The following PDE3B variants were observed in gnomAD, a reference collection of about 807,000 sequenced individuals.
PDE3B encodes the protein phosphodiesterase 3B, also known as cGMP-inhibited 3',5'-cyclic phosphodiesterase 3B.
A neutral mutation model predicts 116.8 loss-of-function variants in PDE3B; 66 were observed. That is an observed-to-expected ratio of 0.56 (90% CI 0.46 to 0.69). The LOEUF (loss-of-function observed/expected upper bound fraction) is 0.69. Ranked by LOEUF, PDE3B falls within the 30% of genes least tolerant of loss-of-function variation. The pLI is 0.00. For synonymous variants in PDE3B, 595 were observed against 533.6 expected, an observed-to-expected ratio of 1.12 and a Z score of -1.59; for missense variants, 1,384 against 1,368.1, an observed-to-expected ratio of 1.01 and a Z score of -0.18.
At chr11:14,885,993 G>C in the PDE3B span, 59 of 1,425,406 alleles carry the variant, frequency 4.1e-5, no homozygotes, top group Non-Finnish European at 5.0e-5. Flanking sequence ...TCTACAAGTG[G>C]TAAGTGCGGC....
At chr11:14,862,212 C>T (rs752269722) in intron 14 of PDE3B, among the ~76,000 whole-genome samples, 5 of 152,166 alleles carry the variant, frequency 3.3e-5, no homozygotes, top group African/African-American at 9.7e-5. Flanking sequence ...CTTAACCTAT[C>T]ACCTGATGGT....
chr11:14,894,207 C>A, the PDE3B span, among the ~76,000 whole-genome samples: 3 of 152,132 alleles, frequency 2.0e-5, no homozygotes, highest in Non-Finnish European at 2.9e-5. Flanking sequence ...CCTTAAAATT[C>A]TTATTAATCA....
At chr11:14,783,955 C>T (rs1031743904) in intron 2 of PDE3B, among the ~76,000 whole-genome samples, 12 of 152,166 alleles carry the variant, frequency 7.9e-5, no homozygotes, top group African/African-American at 2.9e-4. Flanking sequence ...ATGAGCATTA[C>T]CACCTGAGCT....
At chr11:14,721,340 T>C (rs1384265316) in intron 1 of PDE3B, among the ~76,000 whole-genome samples, 1 of 151,914 alleles carries the variant, frequency 6.6e-6, no homozygotes, top group Non-Finnish European at 1.5e-5. Context: ...TGTAAACTAG[T>C]ACAACCATTG....
chr11:14,804,074 C>T (rs766201085), intron 5 of PDE3B, 24 bp downstream of exon 5: 2 of 1,244,554 alleles, frequency 1.6e-6, no homozygotes, highest in Non-Finnish European at 1.2e-6. Flanking sequence ...CTTTATGACT[C>T]AAATATGGGG....
rs951240288 is a variant in PDE3B, at chr11:14,644,447, C to T, written c.372C>T (p.Ser124=). 1.2e-6 allele frequency: 2 copies of T among 1,613,134 alleles called. No individual in the cohort carries two copies. The highest frequency in any genetic ancestry group is 2.2e-5 in the East Asian group (1 of 44,802). ...VCSHSLSPLF[S]IACAFFFLTC... ...CGCACAGCTTGAGCCCCCTCTTCAG[C>T]ATCGCCTGTGCCTTCTTCTTCCTCA... is the stretch of plus-strand genomic sequence containing the variant. Residue 124 remains serine, a synonymous_variant, in exon 1 of 16, where the codon AGC becomes AGT. Transcript: ENST00000282096.
intron 1 of PDE3B, among the ~76,000 whole-genome samples, chr11:14,682,238 T>C (rs1316728244): frequency 6.6e-6 from 1 of 152,182 alleles, no homozygotes; most frequent in Non-Finnish European, 1.5e-5. Flanking sequence ...AGTGGACCTG[T>C]GCAGTTCAAA....
chr11:14,710,577 A>G (rs372009291), intron 1 of PDE3B, among the ~76,000 whole-genome samples: 2 of 152,202 alleles, frequency 1.3e-5, no homozygotes, highest in African/African-American at 4.8e-5. Context: ...CGGAATTACA[A>G]AGGTTGGATT....
intron 1 of PDE3B, among the ~76,000 whole-genome samples, chr11:14,685,108 A>T (rs1396670671): frequency 2.6e-5 from 4 of 152,230 alleles, no homozygotes; most frequent in African/African-American, 9.6e-5. Context: ...ATAAATGTCC[A>T]TATTAAAATG....
chr11:14,651,437 A>G (rs1853573165), intron 1 of PDE3B, among the ~76,000 whole-genome samples: 1 of 152,196 alleles, frequency 6.6e-6, no homozygotes, highest in African/African-American at 2.4e-5. Context: ...GATACAATTC[A>G]GCCCATGTAG....
At chr11:14,721,252 A>G (rs371159687) in intron 1 of PDE3B, among the ~76,000 whole-genome samples, 28 of 152,330 alleles carry the variant, frequency 1.8e-4, no homozygotes, top group South Asian at 1.5e-3. Context: ...TAGAATGGCA[A>G]TCATTAAAAA....
intron 12 of PDE3B, among the ~76,000 whole-genome samples, chr11:14,858,788 A>G (rs1482425259): frequency 5.3e-5 from 8 of 152,180 alleles, no homozygotes; most frequent in Admixed American, 5.2e-4. Flanking sequence ...GCAAAGATAA[A>G]CTTTAAAGAT....
chr11:14,871,780 A>G lies in PDE3B; in HGVS notation c.*2120A>G, dbSNP rs576335719. 1 of 152,214 alleles carries G rather than the reference A, an allele frequency of 6.6e-6. No individual in the cohort carries two copies. Among genetic ancestry groups the G allele is most frequent in the Non-Finnish European group, 1.5e-5 (1 of 68,028 alleles). The allele number at this position is 152,214 out of a possible 1,614,324, so 9.4% of individuals were successfully genotyped here. ...CCAAAAAAGTATCTCTCCCGAGCTG[A>G]AACTTAAAAATTCGTAAGTGTAAGA... On this transcript the variant is annotated 3_prime_UTR_variant, in exon 16 of 16. Transcript: ENST00000282096.
intron 1 of PDE3B, among the ~76,000 whole-genome samples, chr11:14,723,579 C>A (rs1347805773): frequency 1.3e-5 from 2 of 151,774 alleles, no homozygotes; most frequent in African/African-American, 2.4e-5. Context: ...TATAGTGAGA[C>A]CCTGCTGCTA....
the PDE3B span, among the ~76,000 whole-genome samples, chr11:14,878,754 A>T: frequency 2.0e-5 from 3 of 152,128 alleles, no homozygotes; most frequent in Non-Finnish European, 2.9e-5. Context: ...TACAATAACC[A>T]GAAGCCAAGA....
intron 1 of PDE3B, among the ~76,000 whole-genome samples, chr11:14,667,477 G>T (rs1854205648): frequency 6.7e-6 from 1 of 150,028 alleles, no homozygotes; most frequent in South Asian, 2.1e-4. Context: ...AGAAAATGTG[G>T]CACACATACA....
intron 1 of PDE3B, among the ~76,000 whole-genome samples, chr11:14,761,937 T>G (rs966580113): frequency 2.0e-5 from 3 of 152,148 alleles, no homozygotes; most frequent in Non-Finnish European, 4.4e-5. Context: ...TTTGGTTAAT[T>G]AAAGTCTACT....
intron 1 of PDE3B, among the ~76,000 whole-genome samples, chr11:14,688,168 T>TCTCTCTCCCTCTCCCC (rs1854941489): frequency 6.7e-6 from 1 of 149,354 alleles, no homozygotes; most frequent in African/African-American, 2.5e-5. Flanking sequence ...TCCCTCTCTC[T>TCTCTCTCCCTCTCCCC]CTCTCTCCCT....
chr11:14,706,706 C>T (rs1490464406), intron 1 of PDE3B, among the ~76,000 whole-genome samples: 1 of 151,862 alleles, frequency 6.6e-6, no homozygotes, highest in Non-Finnish European at 1.5e-5. Context: ...AATTTTAGAT[C>T]ATAGGTGAAA....
Sources: allele counts gnomAD v4.1 joint callset (sites outside exome capture counted in the v4.1 genomes callset), GRCh38; gene constraint gnomAD v4.1.1; transcripts MANE v1.5; gene names NCBI Gene and HGNC (gene_info 2026-07-23, HGNC 2026-07-21).